PLCG2: variants seen among roughly 807,000 people sequenced by gnomAD.
The protein encoded by PLCG2 is 1-phosphatidylinositol 4,5-bisphosphate phosphodiesterase gamma-2.
In PLCG2, 69 loss-of-function variants were observed where a neutral mutation model predicts 175.6. The observed-to-expected ratio is 0.39, with a 90% CI of 0.32 to 0.48. The LOEUF is 0.48. PLCG2 is among the 20% of genes least tolerant of loss of function. The pLI is 0.91. For missense variants in PLCG2, 1,798 were observed against 1,650.9 expected (o/e 1.09, Z -1.54); for synonymous variants, 827 against 624.0 (o/e 1.33, Z -4.85).
At chr16:81,760,748 T>TAA (rs1224811220) in intron 2 of PLCG2, among the ~76,000 whole-genome samples, 5,168 of 87,558 alleles carry the variant, frequency 0.059, 130 homozygotes, top group Non-Finnish European at 0.066. Context: ...CCGTCTCTAT[T>TAA]AAAAAAAAAA....
chr16:81,921,538 A>T, intron 21 of PLCG2: 1 of 458,604 alleles, frequency 2.2e-6, no homozygotes, highest in South Asian at 2.1e-5. Context: ...ATGGCTTCTA[A>T]TGAAAAGTCT....
At chr16:81,785,496 ATTTTTT>A (rs10555890) in intron 1 of PLCG2, among the ~76,000 whole-genome samples, 4 of 147,534 alleles carry the variant, frequency 2.7e-5, no homozygotes, top group African/African-American at 1.0e-4. Flanking sequence ...CGTTTATTTC[ATTTTTT>A]TTTTTTTTTT....
At chr16:81,913,268 C>T (rs1210912858) in intron 19 of PLCG2, among the ~76,000 whole-genome samples, 1 of 152,206 alleles carries the variant, frequency 6.6e-6, no homozygotes, top group Non-Finnish European at 1.5e-5. Flanking sequence ...TCCATCTCCC[C>T]AGCCCCAGGG....
intron 31 of PLCG2, among the ~76,000 whole-genome samples, chr16:81,952,344 C>G (rs988148067): frequency 2.6e-5 from 4 of 152,130 alleles, no homozygotes; most frequent in Non-Finnish European, 4.4e-5. Context: ...CTAGCTCACT[C>G]TGCTGAGTGC....
chr16:81,861,570 G>A (rs1035354876), intron 5 of PLCG2, among the ~76,000 whole-genome samples: 1 of 152,188 alleles, frequency 6.6e-6, no homozygotes, highest in Non-Finnish European at 1.5e-5. Flanking sequence ...CCGCCACGCT[G>A]GGCCACCCTC....
intron 7 of PLCG2, among the ~76,000 whole-genome samples, chr16:81,872,259 C>A (rs1021662553): frequency 6.6e-6 from 1 of 152,130 alleles, no homozygotes; most frequent in East Asian, 1.9e-4. Flanking sequence ...ACCTGGGAGG[C>A]GGAGGTTGCA....
chr16:81,865,909 A>G (rs1471417182), intron 5 of PLCG2, among the ~76,000 whole-genome samples: 173 of 69,630 alleles, frequency 2.5e-3, no homozygotes, highest in Middle Eastern at 0.015. Context: ...TCCCAGGATG[A>G]GCTCCACTGG....
At chr16:81,883,172 G>T (rs543525934) in intron 8 of PLCG2, 97 bp from the exon 9 acceptor site, 1 of 1,019,434 alleles carries the variant, frequency 9.8e-7, no homozygotes, top group Non-Finnish European at 1.6e-6. Context: ...TAAGTGGGGC[G>T]TTCTGGGTGG....
intron 13 of PLCG2, chr16:81,897,811 T>C (rs915972813): frequency 2.2e-6 from 1 of 455,576 alleles, no homozygotes; most frequent in Non-Finnish European, 4.4e-6. Flanking sequence ...TCCCAAAGTG[T>C]GGGGATTATG....
At chr16:81,931,089 C>T (rs1597140048) in intron 24 of PLCG2, among the ~76,000 whole-genome samples, 1 of 152,086 alleles carries the variant, frequency 6.6e-6, no homozygotes, top group African/African-American at 2.4e-5. Flanking sequence ...CAGGTTCTCT[C>T]ATGCATTTTA....
chr16:81,919,393 A>T, intron 19 of PLCG2, 91 bp from the exon 20 acceptor site: 4 of 937,934 alleles, frequency 4.3e-6, no homozygotes, highest in Non-Finnish European at 6.8e-6. Context: ...AAGGCTGGAT[A>T]ACTAGGTTGT....
At chr16:81,910,842 G>A in intron 18 of PLCG2, 122 bp downstream of exon 18, 1 of 908,094 alleles carries the variant, frequency 1.1e-6, no homozygotes, top group Admixed American at 1.9e-5. Context: ...CAGCCCACCG[G>A]CATCTCAAAA....
chr16:81,831,712 C>T (rs1247682713), intron 2 of PLCG2, among the ~76,000 whole-genome samples: 1 of 152,156 alleles, frequency 6.6e-6, no homozygotes, highest in East Asian at 1.9e-4. Context: ...CCAGAAGTGC[C>T]TGGGCTAGAG....
intron 1 of PLCG2, among the ~76,000 whole-genome samples, chr16:81,747,779 TG>T (rs1471186274): frequency 6.6e-6 from 1 of 152,180 alleles, no homozygotes; most frequent in Non-Finnish European, 1.5e-5. Flanking sequence ...ATTTGCAAAA[TG>T]CCTGGACACT....
intron 26 of PLCG2, chr16:81,935,799 C>T: frequency 3.0e-6 from 3 of 985,366 alleles, no homozygotes; most frequent in South Asian, 4.7e-5. Context: ...TGTCTGTGGT[C>T]TCTCTGGATC....
chr16:81,816,774 T>G (rs56051434), intron 2 of PLCG2, among the ~76,000 whole-genome samples: 11,706 of 146,802 alleles, frequency 0.08, 632 homozygotes, highest in Middle Eastern at 0.14. Context: ...AATGCTGGGA[T>G]TACAGGCATT....
chr16:81,785,403 T>C (rs906152351), intron 1 of PLCG2, among the ~76,000 whole-genome samples: 2 of 152,188 alleles, frequency 1.3e-5, no homozygotes, highest in Admixed American at 6.5e-5. Flanking sequence ...ACCTGACATT[T>C]CCTGCCTTTC....
At chr16:81,940,717 G>C (rs1337861409) in intron 30 of PLCG2, among the ~76,000 whole-genome samples, 1 of 152,092 alleles carries the variant, frequency 6.6e-6, no homozygotes, top group East Asian at 1.9e-4. Context: ...ACACAGCTGA[G>C]ATAGACACTT....
At chr16:81,927,715 G>A (rs1199541016) in intron 23 of PLCG2, among the ~76,000 whole-genome samples, 2 of 152,148 alleles carry the variant, frequency 1.3e-5, no homozygotes, top group East Asian at 1.9e-4. Context: ...TAGACCCCCA[G>A]GTGTTTATTT....
Sources: gnomAD v4.1 joint callset for allele counts (sites outside exome capture counted in the v4.1 genomes callset) on GRCh38, gnomAD v4.1.1 for gene constraint, MANE v1.5 for transcripts, NCBI Gene and HGNC (gene_info 2026-07-23, HGNC 2026-07-21) for gene names.